Variants in MAG observed in about 807,000 individuals in gnomAD.
MAG encodes myelin-associated glycoprotein.
In MAG, 30 loss-of-function variants were observed where a neutral mutation model predicts 60.7. That is an observed-to-expected ratio of 0.49 (90% confidence interval 0.37 to 0.67). MAG has a LOEUF of 0.67. Ranked by LOEUF, MAG falls within the 30% of genes least tolerant of loss-of-function variation. The probability of loss-of-function intolerance (pLI) is 0.00; values close to 1 mark genes in which losing one functional copy is unlikely to be tolerated. For synonymous variants in MAG, 384 were observed against 376.8 expected (o/e 1.02, Z -0.22); for missense variants, 795 against 851.7 (o/e 0.93, Z 0.83).
intron 1 of MAG, among the ~76,000 whole-genome samples, chr19:35,292,895 C>T (rs1181327615): frequency 4.6e-5 from 7 of 152,092 alleles, no homozygotes; most frequent in African/African-American, 7.2e-5. Context: ...CCACTGCGCC[C>T]GGCCCCAACT....
rs1599645858 is a variant in MAG, at chr19:35,293,865, C to T, written c.-79-370C>T. ...TGGGAGAGGGCGGCAGGAATTCACG[C>T]GGCATGTCGGGAATGCTGATACTGT... On this transcript the variant is annotated intron_variant, in intron 1 of 10. Coordinates refer to ENST00000392213, the MANE Select transcript of MAG (RefSeq NM_002361.4). This position sits in a 1 kb window ranked among gnomAD's most constrained non-coding sequence, Gnocchi z 4.0. 6.6e-6 allele frequency among the ~76,000 whole-genome samples: 1 copy of T among 152,016 alleles called. No individual in the cohort carries two copies. The highest frequency in any genetic ancestry group is 1.5e-5 in the Non-Finnish European group (1 of 67,996).
chr19:35,307,561 C>T (rs59516638), intron 7 of MAG, among the ~76,000 whole-genome samples: 4 of 152,276 alleles, frequency 2.6e-5, no homozygotes, highest in Non-Finnish European at 4.4e-5. Flanking sequence ...GTGGCACGCA[C>T]GTGTAGTCCC....
At position 35,295,618 on chromosome 19, in the gene MAG, C is replaced by T. The variant is rs2066390615; in HGVS notation, c.52C>T (p.Arg18Ter). ...GCTCTCCTGCTTGCCCGCAGCCTCC[C>T]GAGGGGGTCACTGGGGTGCCTGGAT... The part of the protein sequence containing the change: ...PLFWIMISAS[R>*]GGHWGAWMPS... The change falls in exon 4 of 11, where the codon CGA becomes TGA. Residue 18 changes from arginine to a stop codon, truncating the protein, a stop_gained. Transcript: ENST00000392213. LOFTEE classifies it high-confidence loss of function. This position sits in a 1 kb window ranked among gnomAD's most constrained non-coding sequence, Gnocchi z 5.8. The T allele has an allele frequency of 4.4e-6, 7 of 1,604,516 alleles. No homozygotes were observed. Among genetic ancestry groups the T allele is most frequent in the Non-Finnish European group, 5.9e-6 (7 of 1,176,666 alleles).
Position 35,299,669 on chromosome 19 carries a change from C to T in MAG, c.531C>T (p.His177=). ...GCCCTGAGCTGAGCTGGCTGGGCCA[C>T]GAGGGGCTGGGGGAGCCCGCTGTGC... is the stretch of plus-strand genomic sequence containing the variant. ...ELRPELSWLG[H]EGLGEPAVLG... The change falls in exon 5 of 11, where the codon CAC becomes CAT. Residue 177 remains histidine (H), a synonymous_variant. Coordinates refer to ENST00000392213, the MANE Select transcript of MAG (RefSeq NM_002361.4). 6.2e-7 allele frequency: 1 copy of T among 1,603,368 alleles called. No homozygotes were observed. The highest frequency in any genetic ancestry group is 1.1e-5 in the South Asian group (1 of 89,226).
At chr19:35,303,406 A>G (rs1263254450) in intron 7 of MAG, among the ~76,000 whole-genome samples, 1 of 152,146 alleles carries the variant, frequency 6.6e-6, no homozygotes, top group Non-Finnish European at 1.5e-5. Flanking sequence ...GGGAGGTTCT[A>G]TTACTGTTTC....
At chr19:35,297,855 C>A (rs2066413008) in intron 4 of MAG, among the ~76,000 whole-genome samples, 1 of 150,656 alleles carries the variant, frequency 6.6e-6, no homozygotes, top group South Asian at 2.1e-4. Context: ...CTACACAAAC[C>A]ACACACCACA....
At chr19:35,302,308 C>A in intron 6 of MAG, 140 bp from the exon 7 acceptor site, 1 of 910,562 alleles carries the variant, frequency 1.1e-6, no homozygotes, top group Non-Finnish European at 1.7e-6. Context: ...ATGAGATAGC[C>A]AGGACTGGGG....
chr19:35,298,717 CCACACCACACA>C (rs2066422276), intron 4 of MAG, among the ~76,000 whole-genome samples: 3 of 141,424 alleles, frequency 2.1e-5, no homozygotes, highest in South Asian at 4.7e-4. Flanking sequence ...ACCACACAAA[CCACACCACACA>C]CACACCACAC....
chr19:35,313,314 A>G lies in MAG; in HGVS notation c.1741A>G (p.Arg581Gly), dbSNP rs1338998578. The G allele has an allele frequency of 4.3e-6, 7 of 1,613,896 alleles. No homozygotes were observed. Among genetic ancestry groups the G allele is most frequent in the Non-Finnish European group, 5.9e-6 (7 of 1,179,924 alleles). The change falls in exon 11 of 11, where the codon AGG becomes GGG. Residue 581 changes from arginine (R) to glycine (G), a missense_variant. By Grantham distance (125) the Arg-to-Gly change is moderately radical (BLOSUM62 -2). Transcript: ENST00000392213. ...GAGCGAGAGGCGCCTGGGATCTGAG[A>G]GGAGGCTGCTGGGCCTTCGGGGTGA... ...YESERRLGSE[R>G]RLLGLRGEPP...
intron 4 of MAG, 143 bp from the exon 5 acceptor site, chr19:35,299,411 C>G: frequency 1.7e-6 from 1 of 590,110 alleles, no homozygotes; most frequent in South Asian, 2.5e-5. Flanking sequence ...AATTCTGAAT[C>G]TGGAGGCAGG....
chr19:35,313,229 TC>T lies in MAG; in HGVS notation c.1717-59del, dbSNP rs2066541507. The T allele has an allele frequency of 1.9e-6, 3 of 1,543,468 alleles. No homozygotes were observed. The African/African-American group carries it at 4.1e-5, about 21-fold the overall frequency. On this transcript the variant is annotated intron_variant, in intron 10 of 10. Transcript: ENST00000392213. ...GAGCTCTGAGGGTGCAAACGCTCTG[TC>T]CTCTGCATTGGGAAAAGGCAGGGAG...
intron 6 of MAG, among the ~76,000 whole-genome samples, chr19:35,301,160 G>A (rs573964734): frequency 4.6e-5 from 7 of 151,400 alleles, no homozygotes; most frequent in African/African-American, 1.5e-4. Flanking sequence ...ATGAGCCACC[G>A]TGCCTGTCCA....
At chr19:35,298,321 C>T (rs1780349745) in intron 4 of MAG, among the ~76,000 whole-genome samples, 1 of 148,706 alleles carries the variant, frequency 6.7e-6, no homozygotes, top group African/African-American at 2.5e-5. Context: ...GTACCCAAAC[C>T]ACACGCCACA....
At position 35,310,087 on chromosome 19, in the gene MAG, C is replaced by T; in HGVS notation, c.1445C>T (p.Ala482Val). Reference sequence around the variant, plus strand: ...CTCACGCTGCGGGGGCAGGCCCAGGCCCCGCCCCGCGTCATCTGCACCGCG... The same window carrying T: ...CTCACGCTGCGGGGGCAGGCCCAGGTCCCGCCCCGCGTCATCTGCACCGCG... ...SILTLRGQAQ[A>V]PPRVICTARN... Residue 482 changes from alanine to valine, a missense_variant, in exon 8 of 11, where the codon GCC (alanine) becomes GTC (valine). By Grantham distance (64) the Ala-to-Val change is moderately conservative (BLOSUM62 0). Coordinates refer to ENST00000392213, the MANE Select transcript of MAG (RefSeq NM_002361.4). The T allele has an allele frequency of 2.5e-6, 4 of 1,612,922 alleles. No individual in the cohort carries two copies. The highest frequency in any genetic ancestry group is 3.4e-6 in the Non-Finnish European group (4 of 1,179,626).
intron 4 of MAG, 60 bp from the exon 5 acceptor site, chr19:35,299,494 G>C: frequency 8.2e-7 from 1 of 1,216,322 alleles, no homozygotes; most frequent in South Asian, 1.6e-5. Flanking sequence ...TGGGTGGGGT[G>C]GGACCGGGAC....
chr19:35,312,013 A>T lies in MAG; in HGVS notation c.1712A>T (p.Tyr571Phe). ...DFRISGAPEK[Y>F]ESERRLGSER... Reference sequence around the variant, plus strand: ...CGCATCTCTGGGGCACCAGAGAAGTACGAGGTAAGGACCAGGCTCCAGGCT... The same window carrying T: ...CGCATCTCTGGGGCACCAGAGAAGTTCGAGGTAAGGACCAGGCTCCAGGCT... The change falls in exon 10 of 11, where the codon TAC (tyrosine) becomes TTC (phenylalanine). Residue 571 changes from tyrosine (Y) to phenylalanine (F), a missense_variant. By Grantham distance (22) the Tyr-to-Phe change is conservative. Transcript: ENST00000392213. The T allele has an allele frequency of 6.2e-7, 1 of 1,612,100 alleles. No individual in the cohort carries two copies. Among genetic ancestry groups the T allele is most frequent in the East Asian group, 2.2e-5 (1 of 44,712 alleles).
chr19:35,310,666 C>G (rs1056944771), intron 9 of MAG, 23 bp downstream of exon 9: 2 of 1,609,866 alleles, frequency 1.2e-6, no homozygotes, highest in Non-Finnish European at 1.7e-6. Context: ...TGGGGCTGAT[C>G]TGGGGATGGG....
intron 4 of MAG, among the ~76,000 whole-genome samples, chr19:35,297,487 C>T (rs1321148851): frequency 1.8e-5 from 2 of 113,814 alleles, no homozygotes; most frequent in African/African-American, 6.7e-5. Flanking sequence ...CACACACTAC[C>T]CACACACCAC....
chr19:35,295,858 C>T lies in MAG; in HGVS notation c.292C>T (p.Arg98Ter), dbSNP rs1205309923. ...CCGCCTCCTGGGGGACCTGGGCCTGCGAAACTGCACCCTCCTGCTCAGCAA... is the reference window on the plus strand; with the variant it reads ...CCGCCTCCTGGGGGACCTGGGCCTGTGAAACTGCACCCTCCTGCTCAGCAA... ...RSRLLGDLGL[R>*]NCTLLLSNVS... The change falls in exon 4 of 11, where the codon CGA becomes TGA. Residue 98 changes from arginine to a stop codon, truncating the protein, a stop_gained. Transcript: ENST00000392213. LOFTEE classifies it high-confidence loss of function. The surrounding 1 kb of genome is among the most constrained non-coding windows in gnomAD (Gnocchi z 5.8). 2 of 1,613,940 alleles carry T rather than the reference C, an allele frequency of 1.2e-6. No individual in the cohort carries two copies. Among genetic ancestry groups the T allele is most frequent in the South Asian group, 1.1e-5 (1 of 91,080 alleles).
Sources: allele counts gnomAD v4.1 joint callset (sites outside exome capture counted in the v4.1 genomes callset), GRCh38; gene constraint gnomAD v4.1.1; non-coding constraint Gnocchi (gnomAD v3.1); transcripts MANE v1.5; gene names NCBI Gene and HGNC (gene_info 2026-07-23, HGNC 2026-07-21).